The following XIAP variants were observed in gnomAD, a reference collection of about 807,000 sequenced individuals.
XIAP encodes X-linked inhibitor of apoptosis.
XIAP carries 3 observed loss-of-function variants against 33.1 expected under a neutral mutation model. The ratio of observed to expected loss-of-function variants is 0.09; its 90% CI spans 0.04 to 0.23. The LOEUF (loss-of-function observed/expected upper bound fraction) is 0.23. XIAP is among the 10% of genes least tolerant of loss of function. The pLI is 1.00. For missense variants in XIAP, 264 were observed against 363.0 expected, an observed-to-expected ratio of 0.73 and a Z score of 2.22; for synonymous variants, 98 against 121.3, an observed-to-expected ratio of 0.81 and a Z score of 1.26.
intron 5 of XIAP, among the ~76,000 whole-genome samples, chrX:123,898,458 G>A (rs936781167): frequency 1.1e-4 from 12 of 111,214 alleles, no homozygotes; most frequent in Non-Finnish European, 2.3e-4. Context: ...CACCTCCGGG[G>A]GTCACGCCAT....
Position 123,864,883 on chromosome X carries a change from C to T in XIAP, c.-33+4590C>T, listed in dbSNP as rs141571007. Among the ~76,000 whole-genome samples, 852 of 104,377 alleles carry T rather than the reference C, an allele frequency of 8.2e-3. 11 individuals carry two copies. Among genetic ancestry groups the T allele is most frequent in the African/African-American group, 0.028 (798 of 28,262 alleles). The allele number at this position is 104,377 out of a possible 115,157, so 90.6% of individuals were successfully genotyped here. On this transcript the variant is annotated intron_variant, in intron 1 of 6. Transcript: ENST00000371199. ...TGTTTTAGTAAAGACAGGGTTTCAC[C>T]ATGTTAGCCAGGATGGTCGCATTCT...
intron 5 of XIAP, 144 bp downstream of exon 5, chrX:123,892,917 T>A (rs2053420499): frequency 2.1e-6 from 1 of 481,496 alleles, no homozygotes; most frequent in South Asian, 3.2e-5. Flanking sequence ...GCCTCCCGGG[T>A]TCAACCGATT....
chrX:123,875,056 CTT>C (rs1486397180), intron 1 of XIAP, among the ~76,000 whole-genome samples: 2 of 96,446 alleles, frequency 2.1e-5, no homozygotes, highest in African/African-American at 3.9e-5. Flanking sequence ...GAGTTTCCCT[CTT>C]GTTTCCCAGG....
intron 5 of XIAP, among the ~76,000 whole-genome samples, chrX:123,896,437 T>C (rs2148102070): frequency 9.0e-6 from 1 of 111,592 alleles, no homozygotes; most frequent in African/African-American, 3.3e-5. Flanking sequence ...CTTTTTGTTA[T>C]TGAGTTAAAA....
In XIAP at chrX:123,908,781, T is replaced by C. The variant is rs2053573856; in HGVS notation, c.*1600T>C. On this transcript the variant is annotated 3_prime_UTR_variant, in exon 7 of 7. Transcript: ENST00000371199. ...TAAAAAACACTTGAATAAGAATCAG[T>C]AGGGTATAAACTAGAAGTTTAAAAA... The C allele has an allele frequency of 2.9e-6, 1 of 346,265 alleles. No homozygotes were observed. Among genetic ancestry groups the C allele is most frequent in the African/African-American group, 2.6e-5 (1 of 38,250 alleles). The allele number at this position is 346,265 out of a possible 1,213,427, so 28.5% of individuals were successfully genotyped here.
intron 1 of XIAP, among the ~76,000 whole-genome samples, chrX:123,869,240 C>T (rs112087856): frequency 2.8e-5 from 3 of 107,268 alleles, no homozygotes; most frequent in African/African-American, 1.0e-4. Flanking sequence ...TCTGGCTGGG[C>T]GCAGTGGCTC....
intron 2 of XIAP, among the ~76,000 whole-genome samples, chrX:123,887,662 CAATATTGGTGGCCCAAATAACA>C (rs977607301): frequency 9.0e-6 from 1 of 111,316 alleles, no homozygotes; most frequent in African/African-American, 3.3e-5. Context: ...ACAGTAAGGA[CAATATTGGTGGCCCAAATAACA>C]TACTAAAAAG....
chrX:123,890,270 C>T (rs1569478366), intron 3 of XIAP, among the ~76,000 whole-genome samples: 1 of 104,263 alleles, frequency 9.6e-6, no homozygotes, highest in African/African-American at 3.5e-5. Context: ...CCCGCCTCGG[C>T]CTCCCAAAGT....
intron 2 of XIAP, among the ~76,000 whole-genome samples, chrX:123,887,631 T>C (rs17330630): frequency 0.19 from 21,483 of 111,155 alleles, 1,481 homozygotes; most frequent in South Asian, 0.39. Context: ...CATAACTTGT[T>C]TTAAAATTTC....
intron 3 of XIAP, among the ~76,000 whole-genome samples, chrX:123,889,251 C>T: frequency 9.0e-6 from 1 of 110,981 alleles, no homozygotes; most frequent in Middle Eastern, 4.6e-3. Context: ...CCACCACGCC[C>T]AGCTAATTTT....
At chrX:123,885,286 G>A (rs1206616039) in intron 1 of XIAP, among the ~76,000 whole-genome samples, 1 of 111,492 alleles carries the variant, frequency 9.0e-6, no homozygotes, top group African/African-American at 3.3e-5. Flanking sequence ...CATATTTTAT[G>A]CTTTCATGTT....
intron 6 of XIAP, among the ~76,000 whole-genome samples, chrX:123,903,401 C>T (rs190710913): frequency 3.0e-4 from 32 of 108,059 alleles, no homozygotes; most frequent in African/African-American, 9.4e-4. Context: ...TTGGTCAGGC[C>T]GGTCTCCAAC....
At chrX:123,873,820 G>C (rs1212486905) in intron 1 of XIAP, 1 of 108,290 alleles carries the variant, frequency 9.2e-6, no homozygotes, top group East Asian at 2.9e-4. Flanking sequence ...TGTAATCCCA[G>C]CTACTTGGGA....
At chrX:123,895,912 C>T (rs2053455816) in intron 5 of XIAP, among the ~76,000 whole-genome samples, 1 of 109,636 alleles carries the variant, frequency 9.1e-6, no homozygotes, top group South Asian at 3.9e-4. Flanking sequence ...CAGGTGCTCA[C>T]CACCATACCT....
intron 1 of XIAP, among the ~76,000 whole-genome samples, chrX:123,875,953 T>G (rs5958327): frequency 0.39 from 42,898 of 111,415 alleles, 6,236 homozygotes; most frequent in African/African-American, 0.49. Flanking sequence ...CCCAAAGTGT[T>G]GGGATTACAG....
chrX:123,877,948 T>C (rs1296451261), intron 1 of XIAP, among the ~76,000 whole-genome samples: 3 of 103,935 alleles, frequency 2.9e-5, no homozygotes, highest in African/African-American at 1.1e-4. Context: ...CACTCCAGCC[T>C]GGGAGCGAGA....
At position 123,912,941 on chromosome X, in the gene XIAP, C is replaced by T. The variant is rs1263994930; in HGVS notation, c.*5760C>T. 1 of 303,051 alleles carries T rather than the reference C, an allele frequency of 3.3e-6. No individual in the cohort carries two copies. The highest frequency in any genetic ancestry group is 3.7e-5 in the Admixed American group (1 of 27,290). The allele number at this position is 303,051 out of a possible 1,213,427, so 25.0% of individuals were successfully genotyped here. A position where few individuals can be genotyped will look rare whatever the true frequency, so the allele number is the denominator to read the frequency against. On this transcript the variant is annotated 3_prime_UTR_variant, in exon 7 of 7. Coordinates refer to ENST00000371199, the MANE Select transcript of XIAP (RefSeq NM_001167.4). ...GATTACAGGCGTGAGCCACCACGGC[C>T]GGCTAATTTTTGTATTTTTTAGTAG...
chrX:123,889,301 A>C (rs1210803616), intron 3 of XIAP, among the ~76,000 whole-genome samples: 8 of 109,224 alleles, frequency 7.3e-5, no homozygotes, highest in Non-Finnish European at 1.3e-4. Context: ...CATGTTGGCC[A>C]GGATGGTCTT....
intron 2 of XIAP, 140 bp downstream of exon 2, chrX:123,886,679 C>A: frequency 3.1e-6 from 2 of 644,696 alleles, no homozygotes; most frequent in Non-Finnish European, 4.6e-6. Context: ...TGTATTATTC[C>A]GTGAACTCTT....
Sources: gnomAD v4.1 joint callset for allele counts (sites outside exome capture counted in the v4.1 genomes callset) on GRCh38, gnomAD v4.1.1 for gene constraint, MANE v1.5 for transcripts, NCBI Gene and HGNC (gene_info 2026-07-23, HGNC 2026-07-21) for gene names.